SLC24A2: variants seen among roughly 807,000 people sequenced by gnomAD.
SLC24A2 encodes the protein solute carrier family 24 member 2.
SLC24A2 carries 36 observed loss-of-function variants against 62.0 expected under a neutral mutation model. The observed-to-expected ratio is 0.58, with a 90% CI of 0.44 to 0.77. The LOEUF is 0.77. SLC24A2 is among the 30% of genes least tolerant of loss of function. The pLI is 0.00. For synonymous variants in SLC24A2, 358 were observed against 294.0 expected (o/e 1.22, Z -2.23); for missense variants, 846 against 817.9 (o/e 1.03, Z -0.42).
intron 2 of SLC24A2, among the ~76,000 whole-genome samples, chr9:19,633,915 G>C (rs952435553): frequency 6.6e-6 from 1 of 152,038 alleles, no homozygotes; most frequent in Non-Finnish European, 1.5e-5. Context: ...CTAAAAAATG[G>C]TTTCTGACAG....
the SLC24A2 span, among the ~76,000 whole-genome samples, chr9:20,057,105 G>C: frequency 3.4e-3 from 515 of 152,264 alleles, 1 homozygote; most frequent in African/African-American, 0.011. Flanking sequence ...ATATGTGTGT[G>C]TGTGCATGTG....
At chr9:20,270,726 T>C in the SLC24A2 span, among the ~76,000 whole-genome samples, 230 of 152,302 alleles carry the variant, frequency 1.5e-3, 1 homozygote, top group Admixed American at 3.4e-3. Flanking sequence ...ATATAACAGT[T>C]AACAATGGGA....
chr9:19,932,811 C>T, the SLC24A2 span, among the ~76,000 whole-genome samples: 3 of 152,188 alleles, frequency 2.0e-5, no homozygotes, highest in Non-Finnish European at 2.9e-5. Flanking sequence ...GACAAGCGTA[C>T]AAAGGGAGAG....
intron 9 of SLC24A2, among the ~76,000 whole-genome samples, chr9:19,524,861 C>A (rs1040579281): frequency 6.6e-6 from 1 of 152,148 alleles, no homozygotes; most frequent in African/African-American, 2.4e-5. Flanking sequence ...TGGAACCCTG[C>A]ATGATGTTTT....
chr9:19,528,152 AG>A lies in SLC24A2; in HGVS notation c.1480-15del. 6.5e-7 allele frequency: 1 copy of A among 1,528,580 alleles called. No individual in the cohort carries two copies. Among genetic ancestry groups the A allele is most frequent in the Non-Finnish European group, 8.9e-7 (1 of 1,117,708 alleles). The allele number at this position is 1,528,580 out of a possible 1,614,324, so 94.7% of individuals were successfully genotyped here. On this transcript the variant is annotated splice_polypyrimidine_tract_variant and intron_variant, in intron 8 of 10. Coordinates refer to ENST00000341998, the MANE Select transcript of SLC24A2 (RefSeq NM_020344.4). ...CTTCCTCGATGACTGAAAGACAACC[AG>A]GAAGAGTTGAGAATATCAGTGTTAT...
At chr9:19,932,825 T>C in the SLC24A2 span, among the ~76,000 whole-genome samples, 1 of 152,214 alleles carries the variant, frequency 6.6e-6, no homozygotes, top group Non-Finnish European at 1.5e-5. Context: ...GGGAGAGCCA[T>C]ACACCTTATG....
At chr9:20,105,190 T>A in the SLC24A2 span, among the ~76,000 whole-genome samples, 1 of 152,252 alleles carries the variant, frequency 6.6e-6, no homozygotes, top group South Asian at 2.1e-4. Context: ...GCACCCAGAT[T>A]CATAAAGCAA....
the SLC24A2 span, among the ~76,000 whole-genome samples, chr9:20,069,517 G>C: frequency 2.0e-5 from 3 of 152,254 alleles, no homozygotes; most frequent in African/African-American, 7.2e-5. Flanking sequence ...TTACAATGCA[G>C]GTCAACAAAC....
the SLC24A2 span, among the ~76,000 whole-genome samples, chr9:20,250,761 A>G: frequency 1.3e-5 from 2 of 152,186 alleles, no homozygotes; most frequent in African/African-American, 4.8e-5. Context: ...TCTAAAATCT[A>G]CATGGTATCC....
intron 2 of SLC24A2, among the ~76,000 whole-genome samples, chr9:19,761,864 C>T (rs1822343645): frequency 6.6e-6 from 1 of 152,152 alleles, no homozygotes; most frequent in Non-Finnish European, 1.5e-5. Flanking sequence ...GCCACATTTT[C>T]TTAATCCAGT....
the SLC24A2 span, among the ~76,000 whole-genome samples, chr9:20,117,172 G>C: frequency 6.6e-6 from 1 of 152,162 alleles, no homozygotes; most frequent in East Asian, 1.9e-4. Flanking sequence ...GGTGTGGTCA[G>C]ACAACTAGGT....
intron 2 of SLC24A2, among the ~76,000 whole-genome samples, chr9:19,758,342 CA>C (rs1822208383): frequency 6.6e-6 from 1 of 152,122 alleles, no homozygotes; most frequent in Non-Finnish European, 1.5e-5. Flanking sequence ...AGGGAGTATC[CA>C]TCAACCCCAG....
At chr9:19,907,442 C>A in the SLC24A2 span, among the ~76,000 whole-genome samples, 1 of 152,184 alleles carries the variant, frequency 6.6e-6, no homozygotes, top group Non-Finnish European at 1.5e-5. Flanking sequence ...TCTCTCATCA[C>A]TCCTATTCAA....
At position 19,550,265 on chromosome 9, in the gene SLC24A2, C is replaced by A. The variant is rs762666179; in HGVS notation, c.1351G>T (p.Ala451Ser). 3.7e-6 allele frequency: 6 copies of A among 1,613,812 alleles called. No individual in the cohort carries two copies. The highest frequency in any genetic ancestry group is 4.2e-6 in the Non-Finnish European group (5 of 1,179,892). The change falls in exon 8 of 11, where the codon GCT (alanine) becomes TCT (serine). Residue 451 changes from alanine (A) to serine (S), a missense_variant. By Grantham distance (99) the Ala-to-Ser change is moderately conservative. Coordinates refer to ENST00000341998, the MANE Select transcript of SLC24A2 (RefSeq NM_020344.4). ...AGAGGCTGGTCCTCCTCCTCATCAGCGGTCTGTGGTAGAAAAAGAGGTAAA... is the reference window on the plus strand; with the variant it reads ...AGAGGCTGGTCCTCCTCCTCATCAGAGGTCTGTGGTAGAAAAAGAGGTAAA... Reference protein sequence around the residue: ...HNIEGAEAQTADEEEDQPLSL... With the variant: ...HNIEGAEAQTSDEEEDQPLSL...
At chr9:19,989,924 G>A in the SLC24A2 span, among the ~76,000 whole-genome samples, 2 of 152,146 alleles carry the variant, frequency 1.3e-5, no homozygotes, top group African/African-American at 4.8e-5. Flanking sequence ...CAAAATCATA[G>A]AGACAGGTAA....
rs1244697061 is a variant in SLC24A2, at chr9:19,512,744, T to G, written c.*3409A>C. On this transcript the variant is annotated 3_prime_UTR_variant, in exon 11 of 11. Transcript: ENST00000341998. ...TGCGTGCAACTCATTTATTTTAGAT[T>G]GATTAGTACAATGTTGGCTCTTGAA... 1 of 152,182 alleles carries G rather than the reference T, an allele frequency of 6.6e-6. No individual in the cohort carries two copies. Among genetic ancestry groups the G allele is most frequent in the African/African-American group, 2.4e-5 (1 of 41,436 alleles). 9.4% of individuals were successfully genotyped at this position (152,182 alleles called of 1,614,324 possible). A position where few individuals can be genotyped will look rare whatever the true frequency, so the allele number is the denominator to read the frequency against.
chr9:20,137,166 ATG>A, the SLC24A2 span, among the ~76,000 whole-genome samples: 3 of 152,164 alleles, frequency 2.0e-5, no homozygotes, highest in African/African-American at 7.2e-5. Context: ...CTGTTCATTG[ATG>A]TGTGTGTAAA....
At chr9:20,269,354 C>T in the SLC24A2 span, among the ~76,000 whole-genome samples, 1 of 152,084 alleles carries the variant, frequency 6.6e-6, no homozygotes, top group Non-Finnish European at 1.5e-5. Context: ...CAGGAATATC[C>T]CTACTATACC....
the SLC24A2 span, among the ~76,000 whole-genome samples, chr9:19,918,130 A>C: frequency 7.3e-6 from 1 of 137,582 alleles, no homozygotes; most frequent in Admixed American, 7.9e-5. Flanking sequence ...TTCTTCTAAC[A>C]ACTGACATTA....
Sources: gnomAD v4.1 joint callset for allele counts (sites outside exome capture counted in the v4.1 genomes callset) on GRCh38, gnomAD v4.1.1 for gene constraint, MANE v1.5 for transcripts, NCBI Gene and HGNC (gene_info 2026-07-23, HGNC 2026-07-21) for gene names.